The following ELMO1 variants were observed in gnomAD, a reference collection of about 807,000 sequenced individuals.
The protein encoded by ELMO1 is engulfment and cell motility 1, also known as engulfment and cell motility protein 1.
ELMO1 carries 26 observed loss-of-function variants against 98.9 expected under a neutral mutation model. The observed-to-expected ratio is 0.26, with a 90% CI of 0.19 to 0.36. ELMO1 has a LOEUF of 0.36. ELMO1 is among the 10% of genes least tolerant of loss of function. The probability of loss-of-function intolerance (pLI) is 1.00; values close to 1 mark genes in which losing one functional copy is unlikely to be tolerated. For synonymous variants in ELMO1, 346 were observed against 346.0 expected, an observed-to-expected ratio of 1.00 and a Z score of 0.00; for missense variants, 627 against 935.2, an observed-to-expected ratio of 0.67 and a Z score of 4.30.
intron 18 of ELMO1, among the ~76,000 whole-genome samples, chr7:36,880,490 G>A (rs993032024): frequency 5.9e-5 from 9 of 152,302 alleles, no homozygotes; most frequent in Middle Eastern, 3.4e-3. Flanking sequence ...GTAAGACTTC[G>A]AAAATTTTGC....
In ELMO1 at chr7:37,116,932, GCTAC is replaced by G. The variant is rs1288463276; in HGVS notation, c.1191+16194_1191+16197del. ...AAGAAGCTCCGCAACAAGAGGGCAG[GCTAC>G]ATCCTGCATCTGATGGAGGATATTT... is the stretch of plus-strand genomic sequence containing the variant. On this transcript the variant is annotated intron_variant, in intron 14 of 21. Transcript: ENST00000310758. 2.4e-5 allele frequency: 5 copies of G among 211,768 alleles called. No homozygotes were observed. In the East Asian group the frequency reaches 5.6e-4, roughly 24 times the overall value. 13.1% of individuals were successfully genotyped at this position (211,768 alleles called of 1,614,324 possible).
At chr7:36,980,958 A>G (rs1409139694) in intron 16 of ELMO1, among the ~76,000 whole-genome samples, 12 of 151,986 alleles carry the variant, frequency 7.9e-5, no homozygotes, top group Admixed American at 6.5e-5. Flanking sequence ...GGACCCACAC[A>G]ATTTACTCCA....
intron 7 of ELMO1, among the ~76,000 whole-genome samples, chr7:37,244,149 T>C (rs910194095): frequency 6.6e-6 from 1 of 152,110 alleles, no homozygotes. Flanking sequence ...AAATATTCTT[T>C]CTACTCCAAA....
intron 1 of ELMO1, among the ~76,000 whole-genome samples, chr7:37,397,278 T>C (rs1803336772): frequency 1.3e-5 from 2 of 152,260 alleles, no homozygotes; most frequent in Non-Finnish European, 2.9e-5. Flanking sequence ...CCCTTTCTTC[T>C]CTTTTGAATA....
intron 15 of ELMO1, among the ~76,000 whole-genome samples, chr7:37,072,814 G>A (rs1447619342): frequency 6.6e-6 from 1 of 152,062 alleles, no homozygotes; most frequent in Non-Finnish European, 1.5e-5. Context: ...CAACCATTTG[G>A]ACACACAAAA....
At chr7:37,192,956 TTATATATATAGGAGATA>T (rs1791707598) in intron 13 of ELMO1, among the ~76,000 whole-genome samples, 1 of 133,640 alleles carries the variant, frequency 7.5e-6, no homozygotes, top group African/African-American at 2.7e-5. Context: ...TATATATTTT[TTATATATATAGGAGATA>T]TATATATATA....
intron 16 of ELMO1, among the ~76,000 whole-genome samples, chr7:36,907,203 G>A (rs1269884399): frequency 1.3e-5 from 2 of 152,120 alleles, no homozygotes; most frequent in Non-Finnish European, 2.9e-5. Context: ...GAATCCCTGT[G>A]ATAGTTTTAA....
chr7:37,177,614 T>A (rs1198544697), intron 13 of ELMO1, among the ~76,000 whole-genome samples: 2 of 152,206 alleles, frequency 1.3e-5, no homozygotes, highest in Non-Finnish European at 2.9e-5. Flanking sequence ...TTCCTGTCAC[T>A]CTGTGTTCAA....
In ELMO1 at chr7:37,342,643, G is replaced by A. The variant is rs199737197; in HGVS notation, c.48C>T (p.Gly16=). The part of the protein sequence containing the change: ...DIVKVAIEWP[G]AYPKLMEIDQ... ...CAATTTCCATGAGTTTGGGGTAGGC[G>A]CCCGGCCATTCTATGGCCACCTTGA... Residue 16 remains glycine (G), a synonymous_variant, in exon 2 of 22, where the codon GGC becomes GGT. Coordinates refer to ENST00000310758, the MANE Select transcript of ELMO1 (RefSeq NM_014800.11). This position sits in a 1 kb window ranked among gnomAD's most constrained non-coding sequence, Gnocchi z 4.3. 16 of 1,613,028 alleles carry A rather than the reference G, an allele frequency of 9.9e-6. No individual in the cohort carries two copies. Among genetic ancestry groups the A allele is most frequent in the Admixed American group, 3.4e-5 (2 of 59,688 alleles).
chr7:37,123,567 C>A (rs1027926606), intron 14 of ELMO1, among the ~76,000 whole-genome samples: 3 of 152,156 alleles, frequency 2.0e-5, no homozygotes, highest in Non-Finnish European at 4.4e-5. Context: ...GACACATACA[C>A]CCTCCCAAGA....
chr7:36,991,813 C>T (rs564991686), intron 16 of ELMO1, among the ~76,000 whole-genome samples: 1 of 152,258 alleles, frequency 6.6e-6, no homozygotes, highest in East Asian at 1.9e-4. Context: ...GCAGTGCTTA[C>T]CATGGGCCTA....
At chr7:37,262,353 A>G (rs1796019123) in intron 5 of ELMO1, among the ~76,000 whole-genome samples, 1 of 152,188 alleles carries the variant, frequency 6.6e-6, no homozygotes, top group African/African-American at 2.4e-5. Flanking sequence ...ATAGCAAAGC[A>G]ATATCCTAAC....
At chr7:37,420,656 T>C (rs763925999) in intron 1 of ELMO1, among the ~76,000 whole-genome samples, 13 of 152,358 alleles carry the variant, frequency 8.5e-5, no homozygotes, top group South Asian at 2.1e-4. Context: ...GTAACTCCAC[T>C]GACCACTTTG....
chr7:37,000,299 G>A (rs902709368), intron 16 of ELMO1, among the ~76,000 whole-genome samples: 1 of 152,180 alleles, frequency 6.6e-6, no homozygotes, highest in Admixed American at 6.5e-5. Flanking sequence ...TCACAAAATG[G>A]AAATCTGGCA....
chr7:37,068,383 T>C (rs566498284), intron 15 of ELMO1, among the ~76,000 whole-genome samples: 12 of 152,340 alleles, frequency 7.9e-5, no homozygotes, highest in African/African-American at 2.2e-4. Flanking sequence ...AGAATATTTG[T>C]GACCATTAAG....
chr7:37,157,612 G>C (rs1166043205), intron 13 of ELMO1, among the ~76,000 whole-genome samples: 1 of 152,072 alleles, frequency 6.6e-6, no homozygotes, highest in Non-Finnish European at 1.5e-5. Flanking sequence ...GGATGTGAAG[G>C]AACTCTTCAA....
chr7:37,249,268 G>A (rs954025711), intron 6 of ELMO1, among the ~76,000 whole-genome samples: 1 of 152,098 alleles, frequency 6.6e-6, no homozygotes, highest in African/African-American at 2.4e-5. Flanking sequence ...TTGTATTAAT[G>A]CAAAAATGAT....
At chr7:37,133,346 A>T in intron 13 of ELMO1, 112 bp from the exon 14 acceptor site, 1 of 710,228 alleles carries the variant, frequency 1.4e-6, no homozygotes, top group Non-Finnish European at 2.3e-6. Context: ...AGGTCCAAAT[A>T]ATCAAACATG....
intron 5 of ELMO1, among the ~76,000 whole-genome samples, chr7:37,263,807 G>A (rs1449013116): frequency 6.6e-6 from 1 of 152,166 alleles, no homozygotes; most frequent in African/African-American, 2.4e-5. Flanking sequence ...AGGGAAGTGA[G>A]GATGTGGAAG....
Sources: allele counts gnomAD v4.1 joint callset (sites outside exome capture counted in the v4.1 genomes callset), GRCh38; gene constraint gnomAD v4.1.1; non-coding constraint Gnocchi (gnomAD v3.1); transcripts MANE v1.5; gene names NCBI Gene and HGNC (gene_info 2026-07-23, HGNC 2026-07-21).